The following TANC2 variants were observed in gnomAD, a reference collection of about 807,000 sequenced individuals.
TANC2 encodes the protein tetratricopeptide repeat, ankyrin repeat and coiled-coil containing 2, also known as protein TANC2.
A neutral mutation model predicts 210.5 loss-of-function variants in TANC2; 26 were observed. That is an observed-to-expected ratio of 0.12 (90% CI 0.09 to 0.17). The LOEUF (loss-of-function observed/expected upper bound fraction) is 0.17, where lower values mean the gene tolerates loss of function less well. Among genes scored for constraint, TANC2 ranks in the 10% least tolerant of loss-of-function variants. The pLI is 1.00. For synonymous variants in TANC2, 931 were observed against 967.1 expected, an observed-to-expected ratio of 0.96 and a Z score of 0.69; for missense variants, 2,129 against 2,608.9, an observed-to-expected ratio of 0.82 and a Z score of 4.01.
At chr17:63,320,447 C>T (rs1025452147) in intron 11 of TANC2, 4 of 152,080 alleles carry the variant, frequency 2.6e-5, no homozygotes, top group Non-Finnish European at 5.9e-5. Flanking sequence ...TATTCTTTCT[C>T]GATTTTATTC....
intron 2 of TANC2, among the ~76,000 whole-genome samples, chr17:63,050,871 A>T (rs2035558107): frequency 6.6e-6 from 1 of 152,240 alleles, no homozygotes; most frequent in Non-Finnish European, 1.5e-5. Flanking sequence ...AGCGATTAAA[A>T]TGACTCTTTC....
intron 5 of TANC2, among the ~76,000 whole-genome samples, chr17:63,164,174 G>A (rs1598503941): frequency 8.7e-6 from 1 of 114,404 alleles, no homozygotes; most frequent in Non-Finnish European, 1.7e-5. Context: ...TCGCTTTGTT[G>A]GTCAGGCTGG....
chr17:62,983,136 T>G (rs979023501), intron 1 of TANC2, among the ~76,000 whole-genome samples: 2 of 152,144 alleles, frequency 1.3e-5, no homozygotes, highest in Non-Finnish European at 2.9e-5. Context: ...CATCAGTATT[T>G]CGTAGTTTTT....
chr17:63,314,968 A>G (rs1259280547), intron 10 of TANC2, among the ~76,000 whole-genome samples: 1 of 152,166 alleles, frequency 6.6e-6, no homozygotes, highest in Non-Finnish European at 1.5e-5. Context: ...AATTGCCCGT[A>G]GAGCAATTTG....
At chr17:63,094,096 A>T (rs1441339081) in intron 3 of TANC2, among the ~76,000 whole-genome samples, 3 of 152,162 alleles carry the variant, frequency 2.0e-5, no homozygotes, top group African/African-American at 7.2e-5. Flanking sequence ...AAGACACTTG[A>T]TTCTTGTACA....
chr17:63,340,071 C>G, intron 11 of TANC2, 30 bp from the exon 12 acceptor site: 4 of 1,533,646 alleles, frequency 2.6e-6, no homozygotes, highest in Non-Finnish European at 3.6e-6. Context: ...TACTGATAAG[C>G]CTGTTTGCAT....
intron 8 of TANC2, among the ~76,000 whole-genome samples, chr17:63,246,955 C>G (rs936754727): frequency 6.6e-6 from 1 of 152,126 alleles, no homozygotes; most frequent in Non-Finnish European, 1.5e-5. Context: ...TCCTGTTTCT[C>G]TACATCTCCT....
chr17:63,013,292 A>G (rs2033954809), intron 2 of TANC2, among the ~76,000 whole-genome samples: 1 of 151,804 alleles, frequency 6.6e-6, no homozygotes, highest in Non-Finnish European at 1.5e-5. Flanking sequence ...ATTTTCTTTC[A>G]GTATTTTACA....
intron 12 of TANC2, 64 bp downstream of exon 12, chr17:63,340,396 A>G: frequency 7.4e-7 from 1 of 1,358,696 alleles, no homozygotes; most frequent in South Asian, 1.3e-5. Context: ...CCCGGGTCAT[A>G]CTATAAAAAT....
Position 63,412,191 on chromosome 17 carries a change from C to A in TANC2, c.3898+61C>A. 6.2e-7 allele frequency: 1 copy of A among 1,609,226 alleles called. No individual in the cohort carries two copies. The highest frequency in any genetic ancestry group is 1.1e-5 in the South Asian group (1 of 90,420). On this transcript the variant is annotated intron_variant, in intron 23 of 27. Transcript: ENST00000689528. This position sits in a 1 kb window ranked among gnomAD's most constrained non-coding sequence, Gnocchi z 4.2. Reference sequence around the variant, plus strand: ...CCAGGGGCCAGACTGGTCCAGTGGTCTGGCTGCCCTGGGTATTTGGTGTGA... The same window carrying A: ...CCAGGGGCCAGACTGGTCCAGTGGTATGGCTGCCCTGGGTATTTGGTGTGA...
chr17:63,139,816 A>C (rs555772602), intron 4 of TANC2, among the ~76,000 whole-genome samples: 1 of 152,290 alleles, frequency 6.6e-6, no homozygotes, highest in African/African-American at 2.4e-5. Context: ...AGGTAGGAGG[A>C]TCACTTGATC....
chr17:63,171,275 G>A (rs1293116592), intron 5 of TANC2, among the ~76,000 whole-genome samples: 1 of 151,556 alleles, frequency 6.6e-6, no homozygotes, highest in Non-Finnish European at 1.5e-5. Context: ...TAGAGATAGG[G>A]TTTCACCATG....
At chr17:62,972,780 G>A (rs888824064) in intron 1 of TANC2, among the ~76,000 whole-genome samples, 1 of 152,122 alleles carries the variant, frequency 6.6e-6, no homozygotes, top group Non-Finnish European at 1.5e-5. Flanking sequence ...GTGCTTTAGC[G>A]GTAGTAAACT....
intron 2 of TANC2, among the ~76,000 whole-genome samples, chr17:63,035,394 G>A (rs547830303): frequency 2.6e-5 from 4 of 152,258 alleles, no homozygotes; most frequent in Admixed American, 1.3e-4. Flanking sequence ...GCTTTATTGC[G>A]ATCTTCATTT....
intron 15 of TANC2, among the ~76,000 whole-genome samples, chr17:63,385,510 C>T (rs923111881): frequency 6.6e-6 from 1 of 152,172 alleles, no homozygotes; most frequent in African/African-American, 2.4e-5. Context: ...GCCAAAATAA[C>T]AATCAGAACT....
chr17:63,339,105 A>T (rs982565604), intron 11 of TANC2: 1 of 152,294 alleles, frequency 6.6e-6, no homozygotes, highest in Admixed American at 6.5e-5. Flanking sequence ...CAGATCCTTA[A>T]GAATGATGGC....
intron 4 of TANC2, among the ~76,000 whole-genome samples, chr17:63,134,625 A>T (rs75299262): frequency 6.6e-6 from 1 of 152,158 alleles, no homozygotes; most frequent in South Asian, 2.1e-4. Context: ...AGTCTTATCT[A>T]TATTTTACCC....
intron 4 of TANC2, among the ~76,000 whole-genome samples, chr17:63,138,337 G>A (rs1005308324): frequency 2.6e-5 from 4 of 152,124 alleles, no homozygotes; most frequent in Non-Finnish European, 2.9e-5. Context: ...CCTAATACGA[G>A]GAGAAAACAT....
intron 9 of TANC2, among the ~76,000 whole-genome samples, chr17:63,307,086 G>C (rs575109840): frequency 7.2e-5 from 11 of 152,198 alleles, no homozygotes; most frequent in Non-Finnish European, 1.6e-4. Flanking sequence ...GGGAAGTGAT[G>C]TGAGATGCCT....
Sources: allele counts gnomAD v4.1 joint callset (sites outside exome capture counted in the v4.1 genomes callset), GRCh38; gene constraint gnomAD v4.1.1; non-coding constraint Gnocchi (gnomAD v3.1); transcripts MANE v1.5; gene names NCBI Gene and HGNC (gene_info 2026-07-23, HGNC 2026-07-21).